LRMDA: variants seen among roughly 807,000 people sequenced by gnomAD.
LRMDA encodes the protein leucine-rich melanocyte differentiation-associated protein.
LRMDA carries 18 observed loss-of-function variants against 29.8 expected under a neutral mutation model. That is an observed-to-expected ratio of 0.60 (90% CI 0.42 to 0.90). The LOEUF (loss-of-function observed/expected upper bound fraction) is 0.90, where lower values mean the gene tolerates loss of function less well. LRMDA is among the 40% of genes least tolerant of loss of function. The pLI is 0.00. For synonymous variants in LRMDA, 125 were observed against 109.4 expected, an observed-to-expected ratio of 1.14 and a Z score of -0.89; for missense variants, 273 against 273.9, an observed-to-expected ratio of 1.00 and a Z score of 0.02.
chr10:76,151,477 A>G (rs933209492), intron 5 of LRMDA, among the ~76,000 whole-genome samples: 5 of 152,146 alleles, frequency 3.3e-5, no homozygotes, highest in Non-Finnish European at 7.3e-5. Context: ...GTTTGATACT[A>G]GAATGTAAAC....
intron 2 of LRMDA, among the ~76,000 whole-genome samples, chr10:75,706,827 G>A (rs1842375639): frequency 6.6e-6 from 1 of 150,406 alleles, no homozygotes; most frequent in Non-Finnish European, 1.5e-5. Flanking sequence ...TTCGAAGTCA[G>A]GTCCACCCTG....
chr10:76,416,854 T>C (rs565169809), intron 6 of LRMDA, among the ~76,000 whole-genome samples: 23 of 152,342 alleles, frequency 1.5e-4, no homozygotes, highest in African/African-American at 5.5e-4. Context: ...CGTGTGCCTG[T>C]GTGTGCTTGT....
At position 76,420,681 on chromosome 10, in the gene LRMDA, C is replaced by T. The variant is rs200852007; in HGVS notation, c.601+96196C>T. Among the ~76,000 whole-genome samples the T allele has an allele frequency of 2.0e-5, 3 of 152,110 alleles. No homozygotes were observed. The East Asian group carries it at 5.8e-4, about 29-fold the overall frequency. On this transcript the variant is annotated intron_variant, in intron 6 of 6. Transcript: ENST00000611255. Reference sequence around the variant, plus strand: ...ATTTATTGATATATATGTCTCTAAGCGTGGCTTTAGCTGTATCCTACATTT... The same window carrying T: ...ATTTATTGATATATATGTCTCTAAGTGTGGCTTTAGCTGTATCCTACATTT...
chr10:76,483,841 CA>C (rs1447376662), intron 6 of LRMDA, among the ~76,000 whole-genome samples: 1 of 151,576 alleles, frequency 6.6e-6, no homozygotes, highest in Non-Finnish European at 1.5e-5. Context: ...GTGCAAGATT[CA>C]TTATTGTCCA....
chr10:75,517,740 G>A (rs757033474), intron 2 of LRMDA, among the ~76,000 whole-genome samples: 2 of 152,136 alleles, frequency 1.3e-5, no homozygotes, highest in Non-Finnish European at 1.5e-5. Context: ...ACACTGTGTT[G>A]AATAGGAGTG....
intron 6 of LRMDA, among the ~76,000 whole-genome samples, chr10:76,471,937 C>A (rs542899759): frequency 8.6e-5 from 13 of 151,836 alleles, no homozygotes; most frequent in African/African-American, 2.6e-4. Flanking sequence ...GAAGGAAAAA[C>A]TGACAGACCA....
intron 2 of LRMDA, among the ~76,000 whole-genome samples, chr10:75,615,617 G>T (rs1841088901): frequency 6.6e-6 from 1 of 152,168 alleles, no homozygotes; most frequent in Admixed American, 6.5e-5. Flanking sequence ...CCTAAATATT[G>T]TTGAGTAGAG....
intron 2 of LRMDA, among the ~76,000 whole-genome samples, chr10:75,876,180 T>C (rs1845195126): frequency 6.6e-6 from 1 of 152,210 alleles, no homozygotes; most frequent in African/African-American, 2.4e-5. Context: ...GAGAAGCAGG[T>C]GCAGCTGAGG....
intron 2 of LRMDA, among the ~76,000 whole-genome samples, chr10:75,831,950 C>A (rs1347915529): frequency 6.6e-6 from 1 of 152,178 alleles, no homozygotes; most frequent in Non-Finnish European, 1.5e-5. Context: ...GGCATGGGGA[C>A]CCTGGGCCCA....
In LRMDA at chr10:76,553,453, G is replaced by C. The variant is rs1030114251; in HGVS notation, c.602-3756G>C. Among the ~76,000 whole-genome samples, 2 of 152,196 alleles carry C rather than the reference G, an allele frequency of 1.3e-5. 1 individual carries two copies. The highest frequency in any genetic ancestry group is 1.3e-4 in the Admixed American group (2 of 15,278). ...CTCCCCATCAAAATGTTCTTTGCAA[G>C]CAAACTGTTCCCTCCGTAATTTTCA... On this transcript the variant is annotated intron_variant, in intron 6 of 6. Coordinates refer to ENST00000611255, the MANE Select transcript of LRMDA (RefSeq NM_001305581.2).
At chr10:75,834,798 T>G (rs1228033830) in intron 2 of LRMDA, among the ~76,000 whole-genome samples, 3 of 152,206 alleles carry the variant, frequency 2.0e-5, no homozygotes, top group African/African-American at 7.2e-5. Flanking sequence ...CTGCCACTAA[T>G]AGTCTGTTGA....
At chr10:76,215,578 TC>T (rs1265523705) in intron 5 of LRMDA, among the ~76,000 whole-genome samples, 1 of 151,982 alleles carries the variant, frequency 6.6e-6, no homozygotes, top group African/African-American at 2.4e-5. Flanking sequence ...TTGTGGGTAA[TC>T]CAAAGCCCTT....
At chr10:75,841,608 G>T (rs1844541960) in intron 2 of LRMDA, among the ~76,000 whole-genome samples, 1 of 152,186 alleles carries the variant, frequency 6.6e-6, no homozygotes, top group South Asian at 2.1e-4. Context: ...ATGAGGTCTG[G>T]TGGTAACTTA....
chr10:75,670,813 C>A (rs1347994895), intron 2 of LRMDA, among the ~76,000 whole-genome samples: 1 of 152,132 alleles, frequency 6.6e-6, no homozygotes, highest in Non-Finnish European at 1.5e-5. Context: ...GTGGCTGGGC[C>A]TTCTGAGGGG....
chr10:75,933,960 C>G (rs772828922), intron 2 of LRMDA, among the ~76,000 whole-genome samples: 3 of 152,130 alleles, frequency 2.0e-5, no homozygotes, highest in Non-Finnish European at 4.4e-5. Context: ...TAAACAGCAT[C>G]CCTAAGAACA....
intron 6 of LRMDA, among the ~76,000 whole-genome samples, chr10:76,381,665 C>G (rs891948702): frequency 3.3e-5 from 5 of 152,116 alleles, no homozygotes; most frequent in African/African-American, 1.2e-4. Context: ...AGCTCTTTGG[C>G]TCCTTTCTTA....
At chr10:76,199,193 C>T (rs1851384586) in intron 5 of LRMDA, among the ~76,000 whole-genome samples, 2 of 152,178 alleles carry the variant, frequency 1.3e-5, no homozygotes, top group Non-Finnish European at 2.9e-5. Context: ...ATGAAGCCAG[C>T]ATTATGTCAA....
intron 6 of LRMDA, among the ~76,000 whole-genome samples, chr10:76,510,644 G>A (rs376344886): frequency 2.0e-5 from 3 of 152,232 alleles, no homozygotes; most frequent in East Asian, 1.9e-4. Context: ...CTTGTACAGC[G>A]AACAAGATGA....
chr10:76,473,572 G>C (rs548472971), intron 6 of LRMDA, among the ~76,000 whole-genome samples: 95 of 150,360 alleles, frequency 6.3e-4, no homozygotes, highest in African/African-American at 2.3e-3. Flanking sequence ...AGAAGTAATA[G>C]TATTTACTTG....
Sources: gnomAD v4.1 joint callset for allele counts (sites outside exome capture counted in the v4.1 genomes callset) on GRCh38, gnomAD v4.1.1 for gene constraint, MANE v1.5 for transcripts, NCBI Gene and HGNC (gene_info 2026-07-23, HGNC 2026-07-21) for gene names.